Variants in VDR observed in about 807,000 individuals in gnomAD.
The protein encoded by VDR is vitamin D3 receptor.
VDR carries 19 observed loss-of-function variants against 39.7 expected under a neutral mutation model. The ratio of observed to expected loss-of-function variants is 0.48; its 90% CI spans 0.33 to 0.70. The LOEUF (loss-of-function observed/expected upper bound fraction) is 0.70. VDR is among the 30% of genes least tolerant of loss of function. The pLI, the probability that VDR is intolerant of heterozygous loss-of-function variation, is 0.02. For missense variants in VDR, 442 were observed against 570.5 expected (o/e 0.77, Z 2.29); for synonymous variants, 242 against 215.8 (o/e 1.12, Z -1.07).
intron 3 of VDR, among the ~76,000 whole-genome samples, chr12:47,874,986 C>A (rs1945971061): frequency 6.6e-6 from 1 of 152,148 alleles, no homozygotes; most frequent in Non-Finnish European, 1.5e-5. Flanking sequence ...CTGCCTGTGC[C>A]AACCTTATAT....
chr12:47,864,261 C>T (rs939902667), intron 4 of VDR, among the ~76,000 whole-genome samples: 5 of 152,262 alleles, frequency 3.3e-5, no homozygotes, highest in Non-Finnish European at 7.3e-5. Context: ...TCAATGCCTA[C>T]TCTAGTTACC....
intron 1 of VDR, among the ~76,000 whole-genome samples, chr12:47,891,226 T>A (rs1441832204): frequency 1.3e-5 from 2 of 152,224 alleles, no homozygotes; most frequent in East Asian, 3.9e-4. Context: ...CAGAGCCCAT[T>A]CCTGTCTCCT....
At chr12:47,904,927 C>A in intron 1 of VDR, 28 bp downstream of exon 1, 1 of 229,902 alleles carries the variant, frequency 4.3e-6, no homozygotes, top group Non-Finnish European at 8.6e-6. Context: ...TCCTGAGACC[C>A]CCTTTCCCGC....
intron 7 of VDR, among the ~76,000 whole-genome samples, chr12:47,849,026 G>A (rs1945334774): frequency 6.6e-6 from 1 of 152,182 alleles, no homozygotes; most frequent in Non-Finnish European, 1.5e-5. Context: ...ACTATTCTGA[G>A]TCAGGAATGG....
intron 4 of VDR, among the ~76,000 whole-genome samples, chr12:47,862,474 A>G (rs1453303328): frequency 6.6e-6 from 1 of 152,272 alleles, no homozygotes; most frequent in South Asian, 2.1e-4. Flanking sequence ...TTCCTCAGCT[A>G]TTGAAAAAAT....
At chr12:47,882,623 G>GCCCCCGGGGCCCCCC in intron 2 of VDR, 71 bp downstream of exon 2, 1 of 543,282 alleles carries the variant, frequency 1.8e-6, no homozygotes. Flanking sequence ...ACCTTCTTAT[G>GCCCCCGGGGCCCCCC]CCCCTCCCCC....
At chr12:47,874,964 C>T (rs1267999622) in intron 3 of VDR, among the ~76,000 whole-genome samples, 1 of 152,178 alleles carries the variant, frequency 6.6e-6, no homozygotes, top group African/African-American at 2.4e-5. Context: ...AGGTGTCTGG[C>T]CATCTATAAG....
At chr12:47,880,102 C>T (rs958880615) in intron 2 of VDR, among the ~76,000 whole-genome samples, 5 of 152,170 alleles carry the variant, frequency 3.3e-5, no homozygotes, top group Non-Finnish European at 5.9e-5. Flanking sequence ...GACCCTACTG[C>T]CTCCCAGTTC....
chr12:47,904,690 CTG>C, intron 1 of VDR: 1 of 1,501,536 alleles, frequency 6.7e-7, no homozygotes, highest in South Asian at 1.2e-5. Context: ...GTGCTAAGCA[CTG>C]TGTTAGCGGA....
In VDR at chr12:47,857,152, G is replaced by A; in HGVS notation, c.560C>T (p.Ser187Leu). 10 of 1,614,152 alleles carry A rather than the reference G, an allele frequency of 6.2e-6. No homozygotes were observed. Among genetic ancestry groups the A allele is most frequent in the Non-Finnish European group, 7.6e-6 (9 of 1,180,006 alleles). Residue 187 changes from serine to leucine, a missense_variant, in exon 6 of 10, where the codon TCA (serine) becomes TTA (leucine). Coordinates refer to ENST00000549336, the MANE Select transcript of VDR (RefSeq NM_000376.3). ...SFSGDSSSSC[S>L]DHCITSSDMM... Reference sequence around the variant, plus strand: ...ACCTGAAGAGGTGATACAGTGATCTGAGCAGGAGGAGGAGGAGTCCCCAGA... The same window carrying A: ...ACCTGAAGAGGTGATACAGTGATCTAAGCAGGAGGAGGAGGAGTCCCCAGA...
chr12:47,869,303 G>A (rs1486893344), intron 3 of VDR, among the ~76,000 whole-genome samples: 6 of 152,136 alleles, frequency 3.9e-5, no homozygotes, highest in African/African-American at 1.2e-4. Context: ...TTGGGAGGCC[G>A]AGACAGGCGG....
At chr12:47,900,564 C>A (rs1402111785) in intron 1 of VDR, among the ~76,000 whole-genome samples, 3 of 152,198 alleles carry the variant, frequency 2.0e-5, no homozygotes, top group Non-Finnish European at 4.4e-5. Context: ...TGGTTCCTAC[C>A]TCACAAGACC....
chr12:47,855,532 AT>A (rs1331535294), intron 7 of VDR, 97 bp downstream of exon 7: 1 of 1,440,718 alleles, frequency 6.9e-7, no homozygotes, highest in East Asian at 2.4e-5. Flanking sequence ...AAAATAAAAA[AT>A]AAAAAAAAGA....
chr12:47,866,211 C>T (rs1025787333), intron 3 of VDR, among the ~76,000 whole-genome samples: 2 of 151,866 alleles, frequency 1.3e-5, no homozygotes, highest in African/African-American at 4.8e-5. Flanking sequence ...GGGTTCATGC[C>T]GTTCTCCTGC....
At chr12:47,859,456 A>G (rs1945562456) in intron 4 of VDR, among the ~76,000 whole-genome samples, 1 of 152,106 alleles carries the variant, frequency 6.6e-6, no homozygotes, top group Non-Finnish European at 1.5e-5. Context: ...TGACCTGCTC[A>G]TGCTCGCCCC....
chr12:47,885,045 A>G (rs1946227172), intron 1 of VDR, among the ~76,000 whole-genome samples: 1 of 152,128 alleles, frequency 6.6e-6, no homozygotes, highest in Non-Finnish European at 1.5e-5. Context: ...ACTGCTTAAT[A>G]CCTGCCCTCT....
chr12:47,846,858 G>A (rs1196186843), intron 7 of VDR, 50 bp from the exon 8 acceptor site: 1 of 1,608,008 alleles, frequency 6.2e-7, no homozygotes, highest in East Asian at 2.2e-5. Flanking sequence ...ACGCCTTCAA[G>A]CCACACAAAT....
chr12:47,894,755 G>A (rs1488111449), intron 1 of VDR, among the ~76,000 whole-genome samples: 1 of 152,194 alleles, frequency 6.6e-6, no homozygotes, highest in Non-Finnish European at 1.5e-5. Flanking sequence ...CTGGCCTTGG[G>A]CCACTAACTG....
chr12:47,878,906 T>C (rs1208354585), intron 3 of VDR, 62 bp downstream of exon 3: 4 of 1,613,168 alleles, frequency 2.5e-6, no homozygotes, highest in South Asian at 2.2e-5. Context: ...GCTCCCTTCA[T>C]GGAAACACCT....
Sources: gnomAD v4.1 joint callset for allele counts (sites outside exome capture counted in the v4.1 genomes callset) on GRCh38, gnomAD v4.1.1 for gene constraint, MANE v1.5 for transcripts, NCBI Gene and HGNC (gene_info 2026-07-23, HGNC 2026-07-21) for gene names.